Variants in ANKFN1 observed in about 807,000 individuals in gnomAD.
The protein encoded by ANKFN1 is ankyrin repeat and fibronectin type-III domain-containing protein 1.
In ANKFN1, 74 loss-of-function variants were observed where a neutral mutation model predicts 108.7. The observed-to-expected ratio is 0.68, with a 90% CI of 0.56 to 0.83. The LOEUF is 0.83. Among genes scored for constraint, ANKFN1 ranks in the 40% least tolerant of loss-of-function variants. The pLI is 0.00. For missense variants in ANKFN1, 1,505 were observed against 1,382.3 expected, an observed-to-expected ratio of 1.09 and a Z score of -1.41; for synonymous variants, 547 against 516.2, an observed-to-expected ratio of 1.06 and a Z score of -0.81.
chr17:56,100,014 ACT>A (rs1462892764), intron 4 of ANKFN1, among the ~76,000 whole-genome samples: 1 of 152,180 alleles, frequency 6.6e-6, no homozygotes, highest in Non-Finnish European at 1.5e-5. Context: ...AAGAGACGAA[ACT>A]CTAACAAAGA....
chr17:56,363,455 G>A (rs968646367), intron 6 of ANKFN1, among the ~76,000 whole-genome samples: 4 of 152,114 alleles, frequency 2.6e-5, no homozygotes, highest in African/African-American at 7.2e-5. Flanking sequence ...AAAAGGAAAC[G>A]CTTGTACACT....
chr17:56,209,430 T>C (rs1177561826), intron 1 of ANKFN1, among the ~76,000 whole-genome samples: 1 of 152,152 alleles, frequency 6.6e-6, no homozygotes, highest in African/African-American at 2.4e-5. Flanking sequence ...TAGGGTAAAC[T>C]TACTTAGAAG....
At chr17:56,476,526 A>G (rs750722355) in intron 15 of ANKFN1, among the ~76,000 whole-genome samples, 1 of 152,224 alleles carries the variant, frequency 6.6e-6, no homozygotes, top group Non-Finnish European at 1.5e-5. Flanking sequence ...AATTCAATGA[A>G]AATCCATTAC....
At chr17:56,131,404 T>G (rs1907274812) in intron 4 of ANKFN1, among the ~76,000 whole-genome samples, 1 of 152,234 alleles carries the variant, frequency 6.6e-6, no homozygotes. Context: ...AATGAAAGTT[T>G]GCGTGAAGCA....
At chr17:56,141,807 A>G (rs1907933592) in intron 4 of ANKFN1, among the ~76,000 whole-genome samples, 1 of 152,158 alleles carries the variant, frequency 6.6e-6, no homozygotes, top group Admixed American at 6.5e-5. Flanking sequence ...AATTTCCACA[A>G]ATTCATGAAC....
intron 8 of ANKFN1, among the ~76,000 whole-genome samples, chr17:56,405,199 T>C (rs542395911): frequency 1.4e-4 from 21 of 152,314 alleles, no homozygotes; most frequent in African/African-American, 4.8e-4. Context: ...ATTTCTAATA[T>C]ATAAATAGCT....
At chr17:56,430,656 T>G (rs1330586837) in intron 8 of ANKFN1, among the ~76,000 whole-genome samples, 2 of 152,118 alleles carry the variant, frequency 1.3e-5, no homozygotes, top group African/African-American at 4.8e-5. Context: ...GAAAATAAAA[T>G]TTAATGGCAA....
chr17:56,066,604 C>T (rs867601765), intron 4 of ANKFN1, among the ~76,000 whole-genome samples: 1 of 152,038 alleles, frequency 6.6e-6, no homozygotes, highest in African/African-American at 2.4e-5. Context: ...ATATGCATAA[C>T]ATGACGTGTA....
intron 8 of ANKFN1, among the ~76,000 whole-genome samples, chr17:56,426,260 T>G (rs1349423336): frequency 6.6e-6 from 1 of 152,212 alleles, no homozygotes; most frequent in Non-Finnish European, 1.5e-5. Flanking sequence ...AGTTCCTTTC[T>G]TTCAACCACA....
chr17:56,052,106 T>C lies in ANKFN1; in HGVS notation c.288+5781T>C, dbSNP rs921759462. Among the ~76,000 whole-genome samples the C allele has an allele frequency of 1.4e-4, 21 of 151,902 alleles. No individual in the cohort carries two copies. The South Asian group carries it at 1.7e-3, about 12-fold the overall frequency. ...TATGGAACCAAAAAAGAGCCCGCAT[T>C]GCCAAGTCAATCCTAAGCCAGAAGA... On this transcript the variant is annotated intron_variant, in intron 4 of 12. Transcript: ENST00000635860.
At chr17:56,072,076 G>A (rs1481745685) in intron 4 of ANKFN1, among the ~76,000 whole-genome samples, 1 of 152,334 alleles carries the variant, frequency 6.6e-6, no homozygotes, top group Admixed American at 6.5e-5. Flanking sequence ...TCTTAGAAAA[G>A]CATCCATGTC....
chr17:56,479,374 A>G (rs1243391298), intron 16 of ANKFN1, among the ~76,000 whole-genome samples: 1 of 152,196 alleles, frequency 6.6e-6, no homozygotes, highest in East Asian at 1.9e-4. Flanking sequence ...TATGCTAGTC[A>G]CAAAACTCTC....
intron 15 of ANKFN1, among the ~76,000 whole-genome samples, chr17:56,467,066 A>T (rs2145288695): frequency 6.6e-6 from 1 of 152,266 alleles, no homozygotes; most frequent in South Asian, 2.1e-4. Context: ...CAGTGAGCCA[A>T]GATTGTGCGA....
chr17:56,055,138 G>A (rs377126617), intron 4 of ANKFN1, among the ~76,000 whole-genome samples: 6 of 151,784 alleles, frequency 4.0e-5, no homozygotes, highest in African/African-American at 1.5e-4. Flanking sequence ...ATACTGGTGG[G>A]GATTTGGCTT....
intron 3 of ANKFN1, among the ~76,000 whole-genome samples, chr17:56,276,324 G>A (rs116518866): frequency 0.015 from 2,356 of 152,280 alleles, 23 homozygotes; most frequent in Middle Eastern, 0.034. Flanking sequence ...AGACATACAC[G>A]TCTTTATAGT....
At chr17:56,056,250 A>G (rs753732489) in intron 4 of ANKFN1, among the ~76,000 whole-genome samples, 48 of 152,162 alleles carry the variant, frequency 3.2e-4, no homozygotes, top group Middle Eastern at 3.4e-3. Flanking sequence ...ATACTGCTAA[A>G]AATACTCTAC....
At chr17:56,094,660 C>CGCCTA (rs1555593322) in intron 4 of ANKFN1, among the ~76,000 whole-genome samples, 1 of 139,642 alleles carries the variant, frequency 7.2e-6, no homozygotes, top group Admixed American at 7.2e-5. Flanking sequence ...CACACCACCA[C>CGCCTA]GCCCAGCTAA....
chr17:56,210,061 CATAGATAGATAGATAGATAG>C (rs57680665), intron 1 of ANKFN1, among the ~76,000 whole-genome samples: 5 of 148,002 alleles, frequency 3.4e-5, no homozygotes, highest in African/African-American at 5.0e-5. Context: ...TAGATAGATA[CATAGATAGATAGATAGATAG>C]ATAGATAGAT....
At chr17:56,054,672 G>A (rs1408946465) in intron 4 of ANKFN1, among the ~76,000 whole-genome samples, 1 of 152,120 alleles carries the variant, frequency 6.6e-6, no homozygotes, top group Admixed American at 6.5e-5. Flanking sequence ...AGCACTTTTG[G>A]AGTCTGAGGC....
Sources: gnomAD v4.1 joint callset for allele counts (sites outside exome capture counted in the v4.1 genomes callset) on GRCh38, gnomAD v4.1.1 for gene constraint, MANE v1.5 for transcripts, NCBI Gene and HGNC (gene_info 2026-07-23, HGNC 2026-07-21) for gene names.